The following WDSUB1 variants were observed in gnomAD, a reference collection of about 807,000 sequenced individuals.
WDSUB1 encodes WD repeat, sterile alpha motif and U-box domain containing 1.
WDSUB1 carries 49 observed loss-of-function variants against 53.9 expected under a neutral mutation model. The ratio of observed to expected loss-of-function variants is 0.91; its 90% CI spans 0.72 to 1.15. The LOEUF (loss-of-function observed/expected upper bound fraction) is 1.15. Among genes scored for constraint, WDSUB1 ranks in the 50% most tolerant of loss-of-function variants. The pLI is 0.00. For synonymous variants in WDSUB1, 194 were observed against 200.6 expected, an observed-to-expected ratio of 0.97 and a Z score of 0.28; for missense variants, 514 against 562.0, an observed-to-expected ratio of 0.91 and a Z score of 0.86.
intron 1 of WDSUB1, 125 bp from the exon 2 acceptor site, chr2:159,283,218 G>T: frequency 1.2e-6 from 1 of 820,422 alleles, no homozygotes. Flanking sequence ...ACATTTTAAA[G>T]CAGTGGTCCC....
At chr2:159,246,297 T>G (rs2060794430) in intron 10 of WDSUB1, among the ~76,000 whole-genome samples, 1 of 151,756 alleles carries the variant, frequency 6.6e-6, no homozygotes, top group South Asian at 2.1e-4. Flanking sequence ...CCGGGCGTGG[T>G]GGTGGGTGCC....
intron 9 of WDSUB1, 43 bp from the exon 10 acceptor site, chr2:159,248,555 C>T (rs771781899): frequency 6.8e-7 from 1 of 1,462,700 alleles, no homozygotes; most frequent in Admixed American, 2.6e-5. Flanking sequence ...TACTAGTAAT[C>T]CTTACTACTA....
intron 10 of WDSUB1, 108 bp from the exon 11 acceptor site, chr2:159,236,298 A>G (rs2060480415): frequency 9.1e-7 from 1 of 1,094,274 alleles, no homozygotes; most frequent in African/African-American, 1.6e-5. Context: ...TTGTGACTTA[A>G]GGGTTATTCC....
At chr2:159,270,579 A>T (rs2061427115) in intron 5 of WDSUB1, among the ~76,000 whole-genome samples, 1 of 152,224 alleles carries the variant, frequency 6.6e-6, no homozygotes, top group Admixed American at 6.5e-5. Context: ...AACAAAATGG[A>T]GGAGAAAAGT....
At chr2:159,268,812 A>G (rs894606343) in intron 5 of WDSUB1, among the ~76,000 whole-genome samples, 4 of 152,266 alleles carry the variant, frequency 2.6e-5, no homozygotes, top group Non-Finnish European at 4.4e-5. Context: ...GACAACTTCA[A>G]CACAGAACTG....
chr2:159,237,165 A>G (rs760413249), intron 10 of WDSUB1, among the ~76,000 whole-genome samples: 7 of 152,234 alleles, frequency 4.6e-5, no homozygotes, highest in Non-Finnish European at 1.0e-4. Flanking sequence ...TCTTTCCGTC[A>G]TCAAGGACTA....
rs112633065 is a variant in WDSUB1, at chr2:159,275,182, T to C, written c.676+364A>G. Among the ~76,000 whole-genome samples the C allele has an allele frequency of 6.6e-3, 1,011 of 152,326 alleles. 5 individuals carry two copies. Among genetic ancestry groups the C allele is most frequent in the Non-Finnish European group, 0.01 (705 of 68,030 alleles). ...TGACTGAAAGGGTCACCTGATGGAATAGTACAATGGATGGGAAAAGACCCA... is the reference window on the plus strand; with the variant it reads ...TGACTGAAAGGGTCACCTGATGGAACAGTACAATGGATGGGAAAAGACCCA... On this transcript the variant is annotated intron_variant, in intron 4 of 10. Coordinates refer to ENST00000359774, the MANE Select transcript of WDSUB1 (RefSeq NM_001128212.3).
chr2:159,264,282 C>T (rs1558859643), intron 5 of WDSUB1, among the ~76,000 whole-genome samples: 1 of 152,204 alleles, frequency 6.6e-6, no homozygotes, highest in Non-Finnish European at 1.5e-5. Context: ...CAGATGGCAA[C>T]GTGTCCTTTT....
At chr2:159,286,233 A>C (rs997712486) in intron 1 of WDSUB1, 2 of 153,270 alleles carry the variant, frequency 1.3e-5, no homozygotes, top group African/African-American at 2.4e-5. Context: ...CGCTCCCAAA[A>C]TAAAGTCCGC....
Position 159,271,738 on chromosome 2 carries a change from C to T in WDSUB1, c.734G>A (p.Cys245Tyr), listed in dbSNP as rs1439630501. The T allele has an allele frequency of 6.8e-6, 11 of 1,614,018 alleles. No individual in the cohort carries two copies. The highest frequency in any genetic ancestry group is 2.5e-6 in the Non-Finnish European group (3 of 1,180,008). ...LSGHCAPVLA[C>Y]AFSHDGQMLV... The stretch of plus-strand genomic sequence containing the variant: ...CATCTGCCCATCATGGGAAAAAGCA[C>T]AAGCCAGAACAGGAGCACAGTGCCC... The change falls in exon 5 of 11, where the codon TGT (cysteine) becomes TAT (tyrosine). Residue 245 changes from cysteine to tyrosine, a missense_variant. By Grantham distance (194) the Cys-to-Tyr change is radical. Coordinates refer to ENST00000359774, the MANE Select transcript of WDSUB1 (RefSeq NM_001128212.3).
At chr2:159,247,898 TATATATATATAA>T (rs1399402116) in intron 10 of WDSUB1, among the ~76,000 whole-genome samples, 5,056 of 28,266 alleles carry the variant, frequency 0.18, 305 homozygotes, top group Non-Finnish European at 0.27. Flanking sequence ...TATATATATA[TATATATATATAA>T]ATATATATAT....
chr2:159,267,901 T>C (rs1410353184), intron 5 of WDSUB1, among the ~76,000 whole-genome samples: 1 of 152,226 alleles, frequency 6.6e-6, no homozygotes, highest in African/African-American at 2.4e-5. Flanking sequence ...GCCTGTATAT[T>C]TGTCCAAATA....
At chr2:159,270,603 C>T (rs919318290) in intron 5 of WDSUB1, among the ~76,000 whole-genome samples, 2 of 152,074 alleles carry the variant, frequency 1.3e-5, no homozygotes, top group Admixed American at 6.5e-5. Context: ...CTTTTCAATA[C>T]GTAGTACTAG....
chr2:159,283,050 G>A lies in WDSUB1; in HGVS notation c.20C>T (p.Thr7Ile). The A allele has an allele frequency of 6.2e-7, 1 of 1,609,996 alleles. No homozygotes were observed. The stretch of plus-strand genomic sequence containing the variant: ...GACATCGTCACCATGATCAGCTAAT[G>A]TGTGAATCAGTTTCACCATGTTCTT... Reference protein sequence around the residue: MVKLIHTLADHGDDVNC... With the variant: MVKLIHILADHGDDVNC... Residue 7 changes from threonine to isoleucine, a missense_variant, in exon 2 of 11, where the codon ACA becomes ATA. Transcript: ENST00000359774.
At chr2:159,251,715 A>C (rs1015463842) in intron 9 of WDSUB1, among the ~76,000 whole-genome samples, 6 of 152,140 alleles carry the variant, frequency 3.9e-5, no homozygotes, top group African/African-American at 1.4e-4. Context: ...AGTTAAAATC[A>C]CCCAACTCTG....
intron 4 of WDSUB1, among the ~76,000 whole-genome samples, chr2:159,274,035 A>T (rs1442761259): frequency 6.6e-6 from 1 of 152,256 alleles, no homozygotes; most frequent in Non-Finnish European, 1.5e-5. Context: ...GAATTAATAA[A>T]AACAGAAATG....
intron 10 of WDSUB1, 125 bp from the exon 11 acceptor site, chr2:159,236,315 G>T: frequency 1.1e-6 from 1 of 921,672 alleles, no homozygotes; most frequent in Non-Finnish European, 1.6e-6. Flanking sequence ...TTCCTGTCTT[G>T]CTTGTACCAG....
intron 5 of WDSUB1, 126 bp from the exon 6 acceptor site, chr2:159,259,969 A>T: frequency 9.5e-7 from 1 of 1,057,726 alleles, no homozygotes; most frequent in Non-Finnish European, 1.3e-6. Context: ...TACATTTAGA[A>T]TGCAATCCTT....
At chr2:159,261,918 T>A (rs2061236806) in intron 5 of WDSUB1, among the ~76,000 whole-genome samples, 4 of 99,342 alleles carry the variant, frequency 4.0e-5, no homozygotes, top group Non-Finnish European at 6.7e-5. Flanking sequence ...TTTTTTTTTT[T>A]TTTTTTTTTT....
Sources: allele counts gnomAD v4.1 joint callset (sites outside exome capture counted in the v4.1 genomes callset), GRCh38; gene constraint gnomAD v4.1.1; transcripts MANE v1.5; gene names NCBI Gene and HGNC (gene_info 2026-07-23, HGNC 2026-07-21).